NELL1: variants seen among roughly 807,000 people sequenced by gnomAD.
NELL1 encodes the protein protein kinase C-binding protein NELL1.
NELL1 carries 76 observed loss-of-function variants against 107.4 expected under a neutral mutation model. The observed-to-expected ratio is 0.71, with a 90% CI of 0.59 to 0.86. The LOEUF is 0.86. Among genes scored for constraint, NELL1 ranks in the 40% least tolerant of loss-of-function variants. The pLI is 0.00. For missense variants in NELL1, 1,024 were observed against 1,005.5 expected, an observed-to-expected ratio of 1.02 and a Z score of -0.25; for synonymous variants, 353 against 341.2, an observed-to-expected ratio of 1.03 and a Z score of -0.38.
chr11:20,819,337 G>A (rs1472214341), intron 3 of NELL1, among the ~76,000 whole-genome samples: 2 of 152,164 alleles, frequency 1.3e-5, no homozygotes, highest in African/African-American at 4.8e-5. Context: ...AGGCTTGGTG[G>A]CGTTTAACCC....
chr11:21,445,733 T>G (rs1853409394), intron 15 of NELL1, among the ~76,000 whole-genome samples: 1 of 152,218 alleles, frequency 6.6e-6, no homozygotes, highest in Non-Finnish European at 1.5e-5. Context: ...GTAGGACAGG[T>G]CTGGTGTTGC....
Position 21,532,978 on chromosome 11 carries a change from C to A in NELL1, c.1646-1396C>A, listed in dbSNP as rs926433173. ...TACATGGTGATTGGAAATTTATTTT[C>A]TGGGAATTTATAATAAACACACACA... On this transcript the variant is annotated intron_variant, in intron 15 of 19. Coordinates refer to ENST00000357134, the MANE Select transcript of NELL1 (RefSeq NM_006157.5). Among the ~76,000 whole-genome samples, 4 of 152,118 alleles carry A rather than the reference C, an allele frequency of 2.6e-5. No homozygotes were observed. The South Asian group carries it at 8.3e-4, about 32-fold the overall frequency.
At chr11:21,027,301 TTTA>T (rs1852838068) in intron 12 of NELL1, among the ~76,000 whole-genome samples, 1 of 147,768 alleles carries the variant, frequency 6.8e-6, no homozygotes, top group African/African-American at 2.6e-5. Flanking sequence ...TTTAGTTTAG[TTTA>T]GTTTAGTTTA....
chr11:20,885,217 A>AC (rs1445435338), intron 4 of NELL1, among the ~76,000 whole-genome samples: 6 of 152,096 alleles, frequency 3.9e-5, no homozygotes, highest in Non-Finnish European at 5.9e-5. Flanking sequence ...CAAAAATGTC[A>AC]CCTTCTTCCT....
chr11:21,171,723 T>G (rs1442725426), intron 13 of NELL1, among the ~76,000 whole-genome samples: 1 of 151,774 alleles, frequency 6.6e-6, no homozygotes, highest in Non-Finnish European at 1.5e-5. Context: ...AGATATTTCT[T>G]AGGGTCCAGA....
At chr11:21,164,251 A>G (rs911057603) in intron 13 of NELL1, among the ~76,000 whole-genome samples, 3 of 152,186 alleles carry the variant, frequency 2.0e-5, no homozygotes, top group African/African-American at 4.8e-5. Context: ...GGGTTTTTTC[A>G]TTGTTTTCTC....
chr11:21,120,809 C>G (rs1425987749), intron 13 of NELL1, among the ~76,000 whole-genome samples: 1 of 152,122 alleles, frequency 6.6e-6, no homozygotes, highest in Non-Finnish European at 1.5e-5. Flanking sequence ...TATTTCAAAA[C>G]CAACCTAGAA....
chr11:20,791,578 T>A (rs2133991335), intron 3 of NELL1, among the ~76,000 whole-genome samples: 1 of 152,296 alleles, frequency 6.6e-6, no homozygotes, highest in East Asian at 1.9e-4. Context: ...TATACCAAAT[T>A]GCCCTGGCCA....
At chr11:20,886,425 T>C (rs1849509556) in intron 5 of NELL1, among the ~76,000 whole-genome samples, 1 of 152,060 alleles carries the variant, frequency 6.6e-6, no homozygotes, top group Non-Finnish European at 1.5e-5. Context: ...TAAAAATCCT[T>C]CTGCTTCAAA....
intron 3 of NELL1, among the ~76,000 whole-genome samples, chr11:20,808,886 G>A (rs976077030): frequency 1.3e-5 from 2 of 152,194 alleles, no homozygotes; most frequent in African/African-American, 4.8e-5. Flanking sequence ...GATGGGGTCA[G>A]CAATTCAAGA....
In NELL1 at chr11:21,358,984, A is replaced by C. The variant is rs140783783; in HGVS notation, c.1550-11869A>C. 6.9e-4 allele frequency among the ~76,000 whole-genome samples: 105 copies of C among 151,982 alleles called. 1 individual carries two copies. Among genetic ancestry groups the C allele is most frequent in the Middle Eastern group, 3.4e-3 (1 of 294 alleles). On this transcript the variant is annotated intron_variant, in intron 14 of 19. Coordinates refer to ENST00000357134, the MANE Select transcript of NELL1 (RefSeq NM_006157.5). The stretch of plus-strand genomic sequence containing the variant: ...GCCCTTTATTTCTTTCTCTTGTTTG[A>C]TTGGTCTAGCTAGGACTTCCGGCAC...
intron 15 of NELL1, among the ~76,000 whole-genome samples, chr11:21,448,884 A>G (rs893580839): frequency 3.6e-4 from 55 of 152,288 alleles, no homozygotes; most frequent in African/African-American, 1.3e-3. Flanking sequence ...TTTTGCTTCT[A>G]TCGATAGCTT....
intron 13 of NELL1, among the ~76,000 whole-genome samples, chr11:21,136,691 C>G (rs994805637): frequency 2.0e-5 from 3 of 152,288 alleles, no homozygotes; most frequent in East Asian, 1.9e-4. Context: ...AAAGTAGGAA[C>G]AGTCCCCTGT....
intron 9 of NELL1, among the ~76,000 whole-genome samples, chr11:20,934,143 G>A (rs576513260): frequency 3.3e-5 from 5 of 152,282 alleles, no homozygotes; most frequent in Admixed American, 1.3e-4. Context: ...CAAGAGGTTG[G>A]ATAATAAGGG....
chr11:21,048,333 A>C (rs925017330), intron 12 of NELL1, among the ~76,000 whole-genome samples: 38 of 152,212 alleles, frequency 2.5e-4, no homozygotes, highest in African/African-American at 9.1e-4. Context: ...TTTCCTAGGA[A>C]GTTATCTGTT....
chr11:20,925,171 G>A (rs529039693), intron 7 of NELL1, among the ~76,000 whole-genome samples: 1 of 152,184 alleles, frequency 6.6e-6, no homozygotes, highest in African/African-American at 2.4e-5. Context: ...CAGTGTCCAA[G>A]AGTATCACCA....
intron 12 of NELL1, among the ~76,000 whole-genome samples, chr11:21,088,619 T>C (rs943860996): frequency 9.2e-5 from 14 of 152,240 alleles, no homozygotes; most frequent in Non-Finnish European, 1.6e-4. Flanking sequence ...TGTAATCTTA[T>C]GCTGCCTATA....
At chr11:20,688,071 A>T (rs911726320) in intron 2 of NELL1, among the ~76,000 whole-genome samples, 12 of 152,034 alleles carry the variant, frequency 7.9e-5, no homozygotes, top group South Asian at 2.1e-4. Flanking sequence ...ATTTAAAGTA[A>T]ATTATTTATT....
At chr11:21,076,114 G>C (rs999000355) in intron 12 of NELL1, among the ~76,000 whole-genome samples, 1 of 152,192 alleles carries the variant, frequency 6.6e-6, no homozygotes, top group Non-Finnish European at 1.5e-5. Context: ...AACAGCTGTG[G>C]AAACGGTCTT....
Sources: allele counts gnomAD v4.1 joint callset (sites outside exome capture counted in the v4.1 genomes callset), GRCh38; gene constraint gnomAD v4.1.1; transcripts MANE v1.5; gene names NCBI Gene and HGNC (gene_info 2026-07-23, HGNC 2026-07-21).